SLC30A2: variants seen among roughly 807,000 people sequenced by gnomAD.
The protein encoded by SLC30A2 is solute carrier family 30 member 2.
SLC30A2 carries 19 observed loss-of-function variants against 39.6 expected under a neutral mutation model. The observed-to-expected ratio is 0.48, with a 90% CI of 0.34 to 0.70. The LOEUF (loss-of-function observed/expected upper bound fraction) is 0.70. SLC30A2 is among the 30% of genes least tolerant of loss of function. The pLI is 0.01. For synonymous variants in SLC30A2, 195 were observed against 194.8 expected, an observed-to-expected ratio of 1.00 and a Z score of -0.01; for missense variants, 387 against 479.4, an observed-to-expected ratio of 0.81 and a Z score of 1.80.
chr1:26,041,825 C>T lies in SLC30A2; in HGVS notation c.733-20G>A, dbSNP rs756549333. The T allele has an allele frequency of 2.0e-6, 3 of 1,477,628 alleles. No homozygotes were observed. The highest frequency in any genetic ancestry group is 1.9e-6 in the Non-Finnish European group (2 of 1,057,476). The allele number at this position is 1,477,628 out of a possible 1,614,324, so 91.5% of individuals were successfully genotyped here. A position where few individuals can be genotyped will look rare whatever the true frequency, so the allele number is the denominator to read the frequency against. On this transcript the variant is annotated intron_variant, in intron 5 of 7. Coordinates refer to ENST00000374276, the MANE Select transcript of SLC30A2 (RefSeq NM_001004434.3). ...TTCTGGCTGCAGGAAGACAGGAAGGCAGACCTGGAGTTCACCATCTAACAC... is the reference window on the plus strand; with the variant it reads ...TTCTGGCTGCAGGAAGACAGGAAGGTAGACCTGGAGTTCACCATCTAACAC...
At position 26,038,608 on chromosome 1, in the gene SLC30A2, G is replaced by A. The variant is rs2050364462; in HGVS notation, c.*552C>T. 1 of 152,276 alleles carries A rather than the reference G, an allele frequency of 6.6e-6. No individual in the cohort carries two copies. Among genetic ancestry groups the A allele is most frequent in the South Asian group, 2.1e-4 (1 of 4,836 alleles). The allele number at this position is 152,276 out of a possible 1,614,324, so 9.4% of individuals were successfully genotyped here. On this transcript the variant is annotated 3_prime_UTR_variant, in exon 8 of 8. Transcript: ENST00000374276. ...CTAGTAAGAAGCCTCTCCCCTCCAGGAAAGGGAACATTTGGCTCATAGCTG... is the reference window on the plus strand; with the variant it reads ...CTAGTAAGAAGCCTCTCCCCTCCAGAAAAGGGAACATTTGGCTCATAGCTG...
At chr1:26,043,089 G>A (rs998787562) in intron 4 of SLC30A2, among the ~76,000 whole-genome samples, 1 of 152,214 alleles carries the variant, frequency 6.6e-6, no homozygotes, top group Non-Finnish European at 1.5e-5. Context: ...CCTAGGGACA[G>A]CTACTCCTGC....
At position 26,039,440 on chromosome 1, in the gene SLC30A2, A is replaced by T. The variant is rs985688010; in HGVS notation, c.974-135T>A. 1.2e-4 allele frequency: 86 copies of T among 712,984 alleles called. 1 individual carries two copies. The highest frequency in any genetic ancestry group is 1.9e-4 in the Non-Finnish European group (82 of 436,162). The allele number at this position is 712,984 out of a possible 1,614,324, so 44.2% of individuals were successfully genotyped here. A position where few individuals can be genotyped will look rare whatever the true frequency, so the allele number is the denominator to read the frequency against. ...GAACATGGAGAAGCCCCCAGATTCC[A>T]TTCCTCTGCCAGGTAGCCTCCCAGC... On this transcript the variant is annotated intron_variant, in intron 7 of 7. Coordinates refer to ENST00000374276, the MANE Select transcript of SLC30A2 (RefSeq NM_001004434.3). The surrounding 1 kb of genome is among the most constrained non-coding windows in gnomAD (Gnocchi z 4.3).
chr1:26,044,541 T>G, intron 2 of SLC30A2, 97 bp from the exon 3 acceptor site: 1 of 1,206,740 alleles, frequency 8.3e-7, no homozygotes, highest in Admixed American at 2.3e-5. Flanking sequence ...GAGGACATTC[T>G]GGGCTCAAGA....
At chr1:26,045,611 C>A (rs1237458374) in intron 1 of SLC30A2, among the ~76,000 whole-genome samples, 1 of 152,350 alleles carries the variant, frequency 6.6e-6, no homozygotes, top group East Asian at 1.9e-4. Context: ...GCATGGGAAC[C>A]GCCAATCCCC....
At position 26,045,979 on chromosome 1, in the gene SLC30A2, G is replaced by A. The variant is rs1365036901; in HGVS notation, c.-83C>T. The A allele has an allele frequency of 1.3e-6, 2 of 1,578,150 alleles. No individual in the cohort carries two copies. Among genetic ancestry groups the A allele is most frequent in the Non-Finnish European group, 1.7e-6 (2 of 1,169,646 alleles). On this transcript the variant is annotated 5_prime_UTR_variant, in exon 1 of 8. Transcript: ENST00000374276. Reference sequence around the variant, plus strand: ...AGTTGCGCGCGGGACTCCGGGTGGCGCTCACCCACCTGCCCCGAGGGCCCC... The same window carrying A: ...AGTTGCGCGCGGGACTCCGGGTGGCACTCACCCACCTGCCCCGAGGGCCCC...
At chr1:26,045,780 G>T in intron 1 of SLC30A2, 67 bp downstream of exon 1, 1 of 1,612,508 alleles carries the variant, frequency 6.2e-7, no homozygotes, top group Non-Finnish European at 8.5e-7. Context: ...CCACTGCTAG[G>T]ATGGCAAATG....
rs1269431598 is a variant in SLC30A2, at chr1:26,039,206, G to A, written c.1073C>T (p.Ser358Leu). The A allele has an allele frequency of 1.9e-6, 3 of 1,614,114 alleles. No homozygotes were observed. The highest frequency in any genetic ancestry group is 2.5e-6 in the Non-Finnish European group (3 of 1,179,986). ...HTVTIQIEDY[S>L]EDMKDCQACQ... The stretch of plus-strand genomic sequence containing the variant: ...TGCCTGACAGTCCTTCATGTCCTCC[G>A]AGTAGTCCTCGATCTGGATGGTCAC... Residue 358 changes from serine (S) to leucine (L), a missense_variant, in exon 8 of 8, where the codon TCG (serine) becomes TTG (leucine). Physicochemically the swap from Ser to Leu is moderately radical, Grantham distance 145. Coordinates refer to ENST00000374276, the MANE Select transcript of SLC30A2 (RefSeq NM_001004434.3). The surrounding 1 kb of genome is among the most constrained non-coding windows in gnomAD (Gnocchi z 4.3).
At chr1:26,045,612 G>T (rs1458338692) in intron 1 of SLC30A2, among the ~76,000 whole-genome samples, 1 of 152,204 alleles carries the variant, frequency 6.6e-6, no homozygotes, top group Non-Finnish European at 1.5e-5. Context: ...CATGGGAACC[G>T]CCAATCCCCC....
chr1:26,039,668 T>C lies in SLC30A2; in HGVS notation c.973+109A>G. ...TCAAGTACTCAGCATGAGGCTGGGC[T>C]TGATGCATGGGCACTGTGAGCATCT... is the stretch of plus-strand genomic sequence containing the variant. On this transcript the variant is annotated intron_variant, in intron 7 of 7. Coordinates refer to ENST00000374276, the MANE Select transcript of SLC30A2 (RefSeq NM_001004434.3). The surrounding 1 kb of genome is among the most constrained non-coding windows in gnomAD (Gnocchi z 4.3). 1 of 1,099,852 alleles carries C rather than the reference T, an allele frequency of 9.1e-7. No homozygotes were observed. The highest frequency in any genetic ancestry group is 1.6e-5 in the African/African-American group (1 of 63,840). 68.1% of individuals were successfully genotyped at this position (1,099,852 alleles called of 1,614,324 possible). A position where few individuals can be genotyped will look rare whatever the true frequency, so the allele number is the denominator to read the frequency against.
rs2050352068 is a variant in SLC30A2, at chr1:26,037,325, C to T, written c.*1835G>A. On this transcript the variant is annotated 3_prime_UTR_variant, in exon 8 of 8. Transcript: ENST00000374276. ...CTCAGCTCACTGCAACCTCTGCCTCCCCGGTTCAAGCGATTCTCCTGCCTC... is the reference window on the plus strand; with the variant it reads ...CTCAGCTCACTGCAACCTCTGCCTCTCCGGTTCAAGCGATTCTCCTGCCTC... 6.6e-6 allele frequency: 1 copy of T among 151,620 alleles called. No individual in the cohort carries two copies. Among genetic ancestry groups the T allele is most frequent in the African/African-American group, 2.4e-5 (1 of 41,152 alleles). 9.4% of individuals were successfully genotyped at this position (151,620 alleles called of 1,614,324 possible). A position where few individuals can be genotyped will look rare whatever the true frequency, so the allele number is the denominator to read the frequency against.
Position 26,042,726 on chromosome 1 carries a change from A to G in SLC30A2, c.573-18T>C, listed in dbSNP as rs748380305. 5 of 1,612,060 alleles carry G rather than the reference A, an allele frequency of 3.1e-6. No individual in the cohort carries two copies. The highest frequency in any genetic ancestry group is 1.7e-6 in the Non-Finnish European group (2 of 1,178,848). ...ACCCCATTCTATGGAAGTGGAGACA[A>G]AGCCAAGGGCTCACTGAGGTCGCAG... On this transcript the variant is annotated intron_variant, in intron 4 of 7. Coordinates refer to ENST00000374276, the MANE Select transcript of SLC30A2 (RefSeq NM_001004434.3).
At chr1:26,043,622 C>T in intron 3 of SLC30A2, 71 bp from the exon 4 acceptor site, 1 of 1,487,766 alleles carries the variant, frequency 6.7e-7, no homozygotes, top group South Asian at 1.3e-5. Context: ...CCCCTTCCTT[C>T]AGGATCCTCC....
At chr1:26,042,849 G>A (rs915240678) in intron 4 of SLC30A2, 141 bp from the exon 5 acceptor site, 8 of 709,176 alleles carry the variant, frequency 1.1e-5, no homozygotes, top group African/African-American at 8.9e-5. Context: ...TCCAACCCAC[G>A]TGGCCTTGGT....
chr1:26,045,402 G>T lies in SLC30A2; in HGVS notation c.51-185C>A, dbSNP rs1569710250. 8 of 616,750 alleles carry T rather than the reference G, an allele frequency of 1.3e-5. No homozygotes were observed. The East Asian group carries it at 2.2e-4, about 17-fold the overall frequency. The allele number at this position is 616,750 out of a possible 1,614,324, so 38.2% of individuals were successfully genotyped here. ...GGATGATAGGGGAATGGGAGTCCTG[G>T]GGCCCGGGGCCCTTCAGAGGCCAGA... On this transcript the variant is annotated intron_variant, in intron 1 of 7. Coordinates refer to ENST00000374276, the MANE Select transcript of SLC30A2 (RefSeq NM_001004434.3).
Position 26,043,421 on chromosome 1 carries a change from G to T in SLC30A2, c.549C>A (p.Gly183=). The part of the protein sequence containing the change: ...IDGGTMLITS[G]CAVAVNIIMG... ...ACATGATGTTCACAGCCACAGCGCA[G>T]CCCGACGTGATCAGCATGGTCCCCC... The change falls in exon 4 of 8, where the codon GGC becomes GGA. Residue 183 remains glycine, a synonymous_variant. Transcript: ENST00000374276. 1 of 1,614,126 alleles carries T rather than the reference G, an allele frequency of 6.2e-7. No homozygotes were observed. Among genetic ancestry groups the T allele is most frequent in the Non-Finnish European group, 8.5e-7 (1 of 1,179,990 alleles).
chr1:26,043,138 C>T (rs1338519378), intron 4 of SLC30A2, among the ~76,000 whole-genome samples: 1 of 152,224 alleles, frequency 6.6e-6, no homozygotes, highest in Non-Finnish European at 1.5e-5. Flanking sequence ...AGGTATGAAG[C>T]CACCAAGGCT....
rs1386726202 is a variant in SLC30A2, at chr1:26,038,987, T to C, written c.*173A>G. On this transcript the variant is annotated 3_prime_UTR_variant, in exon 8 of 8. Coordinates refer to ENST00000374276, the MANE Select transcript of SLC30A2 (RefSeq NM_001004434.3). ...ACCCGCTGAGTCCCCACCCTGGCTG[T>C]AGTCAGATGGGAGGCTGGGAAGAGC... 3.6e-6 allele frequency: 5 copies of C among 1,396,598 alleles called. No individual in the cohort carries two copies. The highest frequency in any genetic ancestry group is 3.7e-6 in the Non-Finnish European group (4 of 1,073,496). 86.5% of individuals were successfully genotyped at this position (1,396,598 alleles called of 1,614,324 possible). A position where few individuals can be genotyped will look rare whatever the true frequency, so the allele number is the denominator to read the frequency against.
intron 4 of SLC30A2, 26 bp from the exon 5 acceptor site, chr1:26,042,734 G>A (rs770888418): frequency 1.1e-5 from 18 of 1,606,960 alleles, no homozygotes; most frequent in Non-Finnish European, 1.4e-5. Flanking sequence ...CAAAGCCAAG[G>A]GCTCACTGAG....
Sources: allele counts gnomAD v4.1 joint callset (sites outside exome capture counted in the v4.1 genomes callset), GRCh38; gene constraint gnomAD v4.1.1; non-coding constraint Gnocchi (gnomAD v3.1); transcripts MANE v1.5; gene names NCBI Gene and HGNC (gene_info 2026-07-23, HGNC 2026-07-21).